MTMR14: variants seen among roughly 807,000 people sequenced by gnomAD.
The protein encoded by MTMR14 is phosphatidylinositol-3,5-bisphosphate 3-phosphatase MTMR14.
In MTMR14, 48 loss-of-function variants were observed where a neutral mutation model predicts 86.3. The ratio of observed to expected loss-of-function variants is 0.56; its 90% CI spans 0.44 to 0.71. The LOEUF (loss-of-function observed/expected upper bound fraction) is 0.71, where lower values mean the gene tolerates loss of function less well. MTMR14 is among the 30% of genes least tolerant of loss of function. MTMR14 has a pLI of 0.00. For missense variants in MTMR14, 780 were observed against 834.6 expected (o/e 0.93, Z 0.81); for synonymous variants, 366 against 326.1 (o/e 1.12, Z -1.32).
chr3:9,677,836 G>A lies in MTMR14; in HGVS notation c.823-148G>A, dbSNP rs1306023232. The A allele has an allele frequency of 1.5e-6, 1 of 653,158 alleles. No homozygotes were observed. Among genetic ancestry groups the A allele is most frequent in the African/African-American group, 1.8e-5 (1 of 54,842 alleles). The allele number at this position is 653,158 out of a possible 1,614,324, so 40.5% of individuals were successfully genotyped here. On this transcript the variant is annotated intron_variant, in intron 8 of 18. Transcript: ENST00000296003. The surrounding 1 kb of genome is among the most constrained non-coding windows in gnomAD (Gnocchi z 4.2). ...CTGATCTGGTCACATTGATTTTTAA[G>A]CTGTCACTCCCAGGTAGCACAGGTA...
At chr3:9,678,197 C>T (rs2075646857) in intron 9 of MTMR14, 139 bp downstream of exon 9, 4 of 704,662 alleles carry the variant, frequency 5.7e-6, no homozygotes, top group Non-Finnish European at 9.5e-6. Flanking sequence ...GCCCTCTGTC[C>T]TCTCAGAAAG....
chr3:9,681,331 A>G (rs974049921), intron 9 of MTMR14, among the ~76,000 whole-genome samples: 3 of 152,156 alleles, frequency 2.0e-5, no homozygotes, highest in Admixed American at 6.5e-5. Context: ...GGCACTCAGC[A>G]TTGCCCCAGC....
rs566321888 is a variant in MTMR14 at position 9,665,225 on chromosome 3, T to C, written c.417+2850T>C. 1.3e-4 allele frequency among the ~76,000 whole-genome samples: 19 copies of C among 144,210 alleles called. No homozygotes were observed. In the Admixed American group the frequency reaches 1.3e-3, roughly 10 times the overall value. 94.6% of individuals were successfully genotyped at this position (144,210 alleles called of 152,430 possible). ...TGAACCCAGGAGGCAGAAGTTGCAG[T>C]GAGCCGAGATCGTGCCATTGCACTC... On this transcript the variant is annotated intron_variant, in intron 3 of 18. Coordinates refer to ENST00000296003, the MANE Select transcript of MTMR14 (RefSeq NM_001077525.3).
Position 9,649,591 on chromosome 3 carries a change from G to C in MTMR14, c.8G>C (p.Gly3Ala). 2 of 1,545,224 alleles carry C rather than the reference G, an allele frequency of 1.3e-6. No individual in the cohort carries two copies. The highest frequency in any genetic ancestry group is 8.7e-7 in the Non-Finnish European group (1 of 1,145,278). The change falls in exon 1 of 19, where the codon GGC (glycine) becomes GCC (alanine). Residue 3 changes from glycine (G) to alanine (A), a missense_variant. Transcript: ENST00000296003. ...GGGACGCGGGGCTGGGCCATGGCCG[G>C]CGCTCGGGCCGCCGCCGCCGCTGCC... Reference protein sequence around the residue: MAGARAAAAAASA... With the variant: MAAARAAAAAASA...
At chr3:9,684,533 C>T (rs1575043100) in intron 10 of MTMR14, 52 bp from the exon 11 acceptor site, 14 of 1,568,832 alleles carry the variant, frequency 8.9e-6, no homozygotes, top group East Asian at 6.7e-5. Context: ...TCCTGCTCAT[C>T]GGCCCATGTC....
intron 17 of MTMR14, among the ~76,000 whole-genome samples, chr3:9,694,058 G>C (rs767990847): frequency 5.3e-5 from 8 of 152,182 alleles, no homozygotes; most frequent in Non-Finnish European, 1.0e-4. Context: ...CTCACATCCA[G>C]GGTCAGATGA....
At position 9,701,894 on chromosome 3, in the gene MTMR14, C is replaced by G; in HGVS notation, c.1874C>G (p.Pro625Arg). The G allele has an allele frequency of 6.2e-7, 1 of 1,614,202 alleles. No individual in the cohort carries two copies. Among genetic ancestry groups the G allele is most frequent in the East Asian group, 2.2e-5 (1 of 44,892 alleles). The change falls in exon 19 of 19, where the codon CCT becomes CGT. Residue 625 changes from proline to arginine, a missense_variant. Transcript: ENST00000296003. The surrounding 1 kb of genome is among the most constrained non-coding windows in gnomAD (Gnocchi z 4.2). ...TVGLRAVAPS[P>R]SGAIGGLLEQ... ...GGGCTTCGGGCAGTAGCCCCCAGTC[C>G]TTCCGGTGCCATCGGGGGCCTGCTG...
At chr3:9,683,463 C>T (rs1018963838) in intron 10 of MTMR14, 3 of 568,496 alleles carry the variant, frequency 5.3e-6, no homozygotes, top group African/African-American at 3.8e-5. Context: ...ATTAAGAACT[C>T]CTTACCATCT....
chr3:9,688,693 T>A lies in MTMR14; in HGVS notation c.1236-3T>A, dbSNP rs1185043339. ...AATTTACTGCTCCGGCTTCCATTTCTAGGAGGAAGAGTTTGCCAGCCCGGG... is the reference window on the plus strand; with the variant it reads ...AATTTACTGCTCCGGCTTCCATTTCAAGGAGGAAGAGTTTGCCAGCCCGGG... On this transcript the variant is annotated splice_polypyrimidine_tract_variant and splice_region_variant and intron_variant, in intron 14 of 18. Transcript: ENST00000296003. 4 of 1,614,152 alleles carry A rather than the reference T, an allele frequency of 2.5e-6. No individual in the cohort carries two copies. In the African/African-American group the frequency reaches 5.3e-5, roughly 22 times the overall value.
chr3:9,670,287 G>T (rs766408676), intron 5 of MTMR14, among the ~76,000 whole-genome samples: 8 of 152,214 alleles, frequency 5.3e-5, no homozygotes, highest in Non-Finnish European at 1.2e-4. Flanking sequence ...GCTCTGGCTT[G>T]TGCTCAAGAA....
chr3:9,688,251 C>G (rs2076025882), intron 14 of MTMR14, among the ~76,000 whole-genome samples: 1 of 152,194 alleles, frequency 6.6e-6, no homozygotes, highest in African/African-American at 2.4e-5. Context: ...CTCTTGTCCT[C>G]CATGGCCTAC....
At chr3:9,671,217 G>T (rs1214216536) in intron 6 of MTMR14, 47 bp downstream of exon 6, 1 of 1,613,434 alleles carries the variant, frequency 6.2e-7, no homozygotes. Flanking sequence ...AGTGTGTACA[G>T]ATTTGCAGGG....
rs1301456662 is a variant in MTMR14, at chr3:9,688,971, G to T, written c.1322G>T (p.Ser441Ile). Reference sequence around the variant, plus strand: ...CGAAAGGACCGTGGCAGCACCACCAGCCTTGGCAGCGACTTCTCCCTGGTC... The same window carrying T: ...CGAAAGGACCGTGGCAGCACCACCATCCTTGGCAGCGACTTCTCCCTGGTC... ...LRRKDRGSTT[S>I]LGSDFSLVME... Residue 441 changes from serine (S) to isoleucine (I), a missense_variant, in exon 16 of 19, where the codon AGC (serine) becomes ATC (isoleucine). Ser to Ile is a moderately radical substitution (Grantham distance 142). Coordinates refer to ENST00000296003, the MANE Select transcript of MTMR14 (RefSeq NM_001077525.3). 8.1e-6 allele frequency: 13 copies of T among 1,614,018 alleles called. No individual in the cohort carries two copies. The highest frequency in any genetic ancestry group is 1.1e-5 in the Non-Finnish European group (13 of 1,180,030).
At chr3:9,693,964 ATGTTAGCTT>A (rs1476131838) in intron 17 of MTMR14, among the ~76,000 whole-genome samples, 8 of 152,202 alleles carry the variant, frequency 5.3e-5, no homozygotes, top group African/African-American at 9.6e-5. Flanking sequence ...TGCCTCCTGC[ATGTTAGCTT>A]TGTTCTCTGG....
chr3:9,663,429 T>C (rs923222590), intron 3 of MTMR14, among the ~76,000 whole-genome samples: 1 of 151,518 alleles, frequency 6.6e-6, no homozygotes, highest in Non-Finnish European at 1.5e-5. Flanking sequence ...CTTAAAGCTG[T>C]TGCCACTTTG....
intron 3 of MTMR14, 101 bp from the exon 4 acceptor site, chr3:9,668,618 C>A: frequency 7.9e-7 from 1 of 1,260,708 alleles, no homozygotes; most frequent in Non-Finnish European, 1.2e-6. Context: ...CTCCTGGGCC[C>A]GTTATGCTGG....
chr3:9,698,247 T>C (rs766797340), intron 18 of MTMR14, among the ~76,000 whole-genome samples: 7 of 152,264 alleles, frequency 4.6e-5, no homozygotes, highest in Non-Finnish European at 8.8e-5. Flanking sequence ...AGAGTGGTGC[T>C]GGGTTAGCCC....
chr3:9,679,208 C>A (rs2075680376), intron 9 of MTMR14, among the ~76,000 whole-genome samples: 1 of 152,174 alleles, frequency 6.6e-6, no homozygotes, highest in Non-Finnish European at 1.5e-5. Flanking sequence ...TCAGAGTTCC[C>A]CAATGCAGGT....
chr3:9,690,255 C>A, intron 17 of MTMR14, 112 bp downstream of exon 17: 1 of 1,157,006 alleles, frequency 8.6e-7, no homozygotes, highest in East Asian at 2.5e-5. Context: ...GGTTCCTAAG[C>A]TTGCAGGCCC....
Sources: gnomAD v4.1 joint callset for allele counts (sites outside exome capture counted in the v4.1 genomes callset) on GRCh38, gnomAD v4.1.1 for gene constraint, Gnocchi (gnomAD v3.1) non-coding constraint, MANE v1.5 for transcripts, NCBI Gene and HGNC (gene_info 2026-07-23, HGNC 2026-07-21) for gene names.